Variants in CCL26 observed in about 807,000 individuals in gnomAD.
The protein encoded by CCL26 is C-C motif chemokine ligand 26.
Under a neutral mutation model 10.7 loss-of-function variants are expected in CCL26, and 10 were observed. The observed-to-expected ratio is 0.93, with a 90% CI of 0.57 to 1.58. The LOEUF is 1.58. Among genes scored for constraint, CCL26 ranks in the 40% most tolerant of loss-of-function variants. The pLI, the probability that CCL26 is intolerant of heterozygous loss-of-function variation, is 0.00. For synonymous variants in CCL26, 43 were observed against 41.4 expected, an observed-to-expected ratio of 1.04 and a Z score of -0.15; for missense variants, 116 against 111.0, an observed-to-expected ratio of 1.05 and a Z score of -0.20.
chr7:75,770,390 AT>A (rs201473231), intron 2 of CCL26, among the ~76,000 whole-genome samples: 13 of 146,306 alleles, frequency 8.9e-5, no homozygotes. Context: ...TTTATTTTTT[AT>A]TTTTTTTGAG....
At chr7:75,781,994 C>T (rs1204212045) in intron 1 of CCL26, among the ~76,000 whole-genome samples, 1 of 152,188 alleles carries the variant, frequency 6.6e-6, no homozygotes, top group Non-Finnish European at 1.5e-5. Context: ...CCCCTGTCCT[C>T]ACCCTCACTC....
At chr7:75,790,874 G>A (rs1803315214), upstream of CCL26, among the ~76,000 whole-genome samples, 2 of 151,592 alleles carry the variant, frequency 1.3e-5, no homozygotes, top group African/African-American at 4.8e-5. Context: ...AGTTTGGAAG[G>A]TGGAGTTTGC....
At chr7:75,773,940 C>T (rs1802882998), upstream of CCL26, among the ~76,000 whole-genome samples, 3 of 152,120 alleles carry the variant, frequency 2.0e-5, no homozygotes, top group African/African-American at 7.2e-5. Context: ...AAACTCCTGG[C>T]TTCAAGGCGA....
upstream of CCL26, among the ~76,000 whole-genome samples, chr7:75,790,206 TCTTTCTTTCTTTCTTCCTTC>T (rs1296121963): frequency 2.7e-4 from 31 of 116,568 alleles, no homozygotes; most frequent in South Asian, 1.4e-3. Flanking sequence ...TTTCTTTCTT[TCTTTCTTTCTTTCTTCCTTC>T]CTTCCTTCCT....
intron 1 of CCL26, among the ~76,000 whole-genome samples, chr7:75,785,847 G>T (rs541299220): frequency 3.1e-4 from 47 of 152,254 alleles, no homozygotes; most frequent in African/African-American, 1.0e-3. Flanking sequence ...GCAGGGCTGT[G>T]CAGTTGGAAT....
chr7:75,788,086 A>AC (rs1803243268), intron 1 of CCL26, among the ~76,000 whole-genome samples: 1 of 149,940 alleles, frequency 6.7e-6, no homozygotes, highest in Non-Finnish European at 1.5e-5. Flanking sequence ...TCTCCATACC[A>AC]CCCCCAAAAA....
intron 1 of CCL26, among the ~76,000 whole-genome samples, chr7:75,781,239 C>T (rs1803054390): frequency 6.6e-6 from 1 of 152,338 alleles, no homozygotes; most frequent in South Asian, 2.1e-4. Context: ...CTTAATTAAC[C>T]TTGCCTTCAA....
upstream of CCL26, among the ~76,000 whole-genome samples, chr7:75,773,033 G>C (rs1049664781): frequency 6.6e-6 from 1 of 152,080 alleles, no homozygotes; most frequent in Admixed American, 6.6e-5. Context: ...CTCGACAATG[G>C]ATATTTAAAA....
At chr7:75,770,561 A>G (rs1449869327) in intron 2 of CCL26, among the ~76,000 whole-genome samples, 2 of 151,580 alleles carry the variant, frequency 1.3e-5, no homozygotes, top group East Asian at 1.9e-4. Flanking sequence ...TTGTATTTTT[A>G]GTAGAGACAG....
upstream of CCL26, chr7:75,772,252 G>T (rs1478735540): frequency 3.7e-6 from 4 of 1,069,506 alleles, no homozygotes; most frequent in Non-Finnish European, 5.5e-6. Context: ...GACTGAGACG[G>T]CCCTGAAAAC....
intron 1 of CCL26, among the ~76,000 whole-genome samples, chr7:75,786,113 G>A (rs1554529962): frequency 6.6e-6 from 1 of 152,064 alleles, no homozygotes; most frequent in African/African-American, 2.4e-5. Context: ...TCTCTGTTGA[G>A]TCTCCCACAA....
At chr7:75,772,356 G>T, upstream of CCL26, 1 of 599,340 alleles carries the variant, frequency 1.7e-6, no homozygotes, top group Non-Finnish European at 3.0e-6. Context: ...AAATTAGACA[G>T]TGAAGAAAGA....
In CCL26 at chr7:75,769,609, T is replaced by C; in HGVS notation, c.*84A>G. ...TCCTCCCCAGCGGGTCCATGTAGCC[T>C]TCAGAAAAGATTCCGCAGGCTCCCC... On this transcript the variant is annotated 3_prime_UTR_variant, in exon 3 of 3. Transcript: ENST00000005180. 1 of 861,172 alleles carries C rather than the reference T, an allele frequency of 1.2e-6. No individual in the cohort carries two copies. Among genetic ancestry groups the C allele is most frequent in the Non-Finnish European group, 1.9e-6 (1 of 513,164 alleles). The allele number at this position is 861,172 out of a possible 1,614,324, so 53.3% of individuals were successfully genotyped here.
intron 1 of CCL26, among the ~76,000 whole-genome samples, chr7:75,783,685 G>T (rs1371780711): frequency 6.6e-6 from 1 of 151,788 alleles, no homozygotes; most frequent in Admixed American, 6.6e-5. Flanking sequence ...TACTCGGGAG[G>T]CTGAGGCAGG....
At chr7:75,770,456 A>T (rs1350172045) in intron 2 of CCL26, among the ~76,000 whole-genome samples, 1 of 143,746 alleles carries the variant, frequency 7.0e-6, no homozygotes, top group Non-Finnish European at 1.5e-5. Context: ...ATCTCGGCTC[A>T]CCACAACCTC....
chr7:75,770,009 A>G (rs2115629627), intron 2 of CCL26, among the ~76,000 whole-genome samples: 1 of 151,712 alleles, frequency 6.6e-6, no homozygotes, highest in South Asian at 2.1e-4. Context: ...TCTACCAGGT[A>G]CCATTTACCG....
chr7:75,785,019 A>G (rs1803152815), intron 1 of CCL26, among the ~76,000 whole-genome samples: 2 of 152,062 alleles, frequency 1.3e-5, no homozygotes, highest in African/African-American at 4.8e-5. Context: ...TCCCCATTTT[A>G]CCTGTCCAAA....
At chr7:75,784,310 G>T (rs1253187835) in intron 1 of CCL26, among the ~76,000 whole-genome samples, 1 of 152,234 alleles carries the variant, frequency 6.6e-6, no homozygotes, top group Middle Eastern at 3.4e-3. Flanking sequence ...TGTCCAACTC[G>T]CCCAGCAGCC....
intron 1 of CCL26, among the ~76,000 whole-genome samples, chr7:75,783,646 G>T (rs944960229): frequency 1.3e-5 from 2 of 152,040 alleles, no homozygotes; most frequent in Non-Finnish European, 2.9e-5. Flanking sequence ...AATTAGCCAG[G>T]AGTGGTGGCA....
Sources: gnomAD v4.1 joint callset for allele counts (sites outside exome capture counted in the v4.1 genomes callset) on GRCh38, gnomAD v4.1.1 for gene constraint, MANE v1.5 for transcripts, NCBI Gene and HGNC (gene_info 2026-07-23, HGNC 2026-07-21) for gene names.